ZCCHC14: variants seen among roughly 807,000 people sequenced by gnomAD.
ZCCHC14 encodes the protein zinc finger CCHC-type containing 14, also known as zinc finger CCHC domain-containing protein 14.
A neutral mutation model predicts 85.0 loss-of-function variants in ZCCHC14; 16 were observed. That is an observed-to-expected ratio of 0.19 (90% CI 0.13 to 0.29). ZCCHC14 has a LOEUF of 0.29. Ranked by LOEUF, ZCCHC14 falls within the 10% of genes least tolerant of loss-of-function variation. The probability of loss-of-function intolerance (pLI) is 1.00; values close to 1 mark genes in which losing one functional copy is unlikely to be tolerated. For synonymous variants in ZCCHC14, 775 were observed against 630.7 expected (o/e 1.23, Z -3.43); for missense variants, 1,303 against 1,443.5 (o/e 0.90, Z 1.58).
chr16:87,434,127 G>C (rs1421561346), intron 2 of ZCCHC14, among the ~76,000 whole-genome samples: 4 of 152,280 alleles, frequency 2.6e-5, no homozygotes, highest in South Asian at 4.1e-4. Flanking sequence ...AGCCCGGAAG[G>C]CATCAGCCTA....
At chr16:87,418,522 G>A (rs1287437962) in intron 7 of ZCCHC14, among the ~76,000 whole-genome samples, 1 of 152,244 alleles carries the variant, frequency 6.6e-6, no homozygotes, top group African/African-American at 2.4e-5. Context: ...CGTGCGGACA[G>A]AGGACGCTCC....
At position 87,492,370 on chromosome 16, in the gene ZCCHC14, CGCGGGCGCCGCGGGCCGG is replaced by C. The variant is rs1912808646; in HGVS notation, c.-150_-133del. 3 of 146,274 alleles carry C rather than the reference CGCGGGCGCCGCGGGCCGG, an allele frequency of 2.1e-5. No homozygotes were observed. Among genetic ancestry groups the C allele is most frequent in the African/African-American group, 5.1e-5 (2 of 39,402 alleles). The allele number at this position is 146,274 out of a possible 1,614,324, so 9.1% of individuals were successfully genotyped here. ...CCGGGGCCGGGTCCGGGCGAGGGCG[CGCGGGCGCCGCGGGCCGG>C]GCGGGCGCCGGGGCGGGGGCGGGGA... On this transcript the variant is annotated 5_prime_UTR_variant, in exon 1 of 13. Coordinates refer to ENST00000671377, the MANE Select transcript of ZCCHC14 (RefSeq NM_015144.3). The surrounding 1 kb of genome is among the most constrained non-coding windows in gnomAD (Gnocchi z 6.7).
At chr16:87,451,396 C>G (rs1910695018) in intron 2 of ZCCHC14, among the ~76,000 whole-genome samples, 2 of 151,600 alleles carry the variant, frequency 1.3e-5, no homozygotes, top group African/African-American at 4.9e-5. Context: ...CGGGGTTTCA[C>G]CATGTTGATC....
chr16:87,441,867 C>T (rs1910201928), intron 2 of ZCCHC14, among the ~76,000 whole-genome samples: 1 of 152,192 alleles, frequency 6.6e-6, no homozygotes, highest in Admixed American at 6.5e-5. Context: ...TAAGACGGAG[C>T]AGCAACGAAA....
intron 3 of ZCCHC14, among the ~76,000 whole-genome samples, chr16:87,426,445 G>T (rs900788244): frequency 6.6e-6 from 1 of 152,194 alleles, no homozygotes; most frequent in African/African-American, 2.4e-5. Flanking sequence ...TTATCTGGAC[G>T]AATTGTAATG....
At chr16:87,478,668 G>A (rs1369625050) in intron 1 of ZCCHC14, among the ~76,000 whole-genome samples, 3 of 151,028 alleles carry the variant, frequency 2.0e-5, no homozygotes, top group Non-Finnish European at 2.9e-5. Flanking sequence ...GTGCAGTGGC[G>A]CCATCTTGGC....
chr16:87,493,013 A>T lies in ZCCHC14; in HGVS notation c.-775T>A, dbSNP rs1482863989. Among the ~76,000 whole-genome samples, 5 of 151,828 alleles carry T rather than the reference A, an allele frequency of 3.3e-5. No homozygotes were observed. Among genetic ancestry groups the T allele is most frequent in the African/African-American group, 9.7e-5 (4 of 41,386 alleles). On this transcript the variant is annotated 5_prime_UTR_variant, in exon 1 of 13. Coordinates refer to ENST00000671377, the MANE Select transcript of ZCCHC14 (RefSeq NM_015144.3). ...CGCTCGCGGCTGACGGGCGGCCGGG[A>T]TCAGCAGAAGTGGGCGGGGTGGCCG...
chr16:87,417,127 G>C (rs944674919), intron 8 of ZCCHC14, among the ~76,000 whole-genome samples: 2 of 152,206 alleles, frequency 1.3e-5, no homozygotes, highest in African/African-American at 4.8e-5. Flanking sequence ...GCTACGCCGA[G>C]AAATGTCTAA....
In ZCCHC14 at chr16:87,414,498, G is replaced by A. The variant is rs1187770327; in HGVS notation, c.1519C>T (p.Leu507=). Residue 507 remains leucine (L), a synonymous_variant, in exon 10 of 13, where the codon CTG becomes TTG. Transcript: ENST00000671377. ...CGAGCCACACCACTGCTGGTGACCA[G>A]CGGCGGGGCCGAGGGGTTCAGGCAC... ...RRCLNPSAPP[L]VTSSGVARVP... The A allele has an allele frequency of 6.2e-7, 1 of 1,613,036 alleles. No homozygotes were observed. Among genetic ancestry groups the A allele is most frequent in the South Asian group, 1.1e-5 (1 of 91,016 alleles).
At chr16:87,433,711 G>A (rs758867558) in intron 2 of ZCCHC14, among the ~76,000 whole-genome samples, 8 of 151,134 alleles carry the variant, frequency 5.3e-5, no homozygotes, top group Non-Finnish European at 8.8e-5. Context: ...CTGTCTCGGC[G>A]GCTCACTGCA....
At chr16:87,439,471 C>G (rs571025429) in intron 2 of ZCCHC14, among the ~76,000 whole-genome samples, 1 of 152,304 alleles carries the variant, frequency 6.6e-6, no homozygotes, top group South Asian at 2.1e-4. Flanking sequence ...CAGTCTCCCC[C>G]TTGGCATTCT....
chr16:87,473,047 C>T (rs1280783143), intron 1 of ZCCHC14: 1 of 152,070 alleles, frequency 6.6e-6, no homozygotes, highest in Non-Finnish European at 1.5e-5. Context: ...ATGTGACACT[C>T]GTAATGTTAG....
intron 2 of ZCCHC14, among the ~76,000 whole-genome samples, chr16:87,450,429 T>C (rs1910641114): frequency 1.3e-5 from 2 of 152,258 alleles, no homozygotes; most frequent in African/African-American, 4.8e-5. Flanking sequence ...TGCAATGTTA[T>C]ACTTAAGAAC....
chr16:87,424,314 T>C (rs1243897879), intron 3 of ZCCHC14, among the ~76,000 whole-genome samples: 1 of 152,062 alleles, frequency 6.6e-6, no homozygotes, highest in Non-Finnish European at 1.5e-5. Flanking sequence ...CCCGCCCAGG[T>C]GCTGTGGGCA....
At chr16:87,416,730 C>T (rs1246206022) in intron 8 of ZCCHC14, among the ~76,000 whole-genome samples, 1 of 152,022 alleles carries the variant, frequency 6.6e-6, no homozygotes, top group African/African-American at 2.4e-5. Flanking sequence ...CACTCCAGCC[C>T]AGGTGGCAGT....
intron 4 of ZCCHC14, among the ~76,000 whole-genome samples, chr16:87,422,805 G>T (rs886949872): frequency 5.3e-5 from 8 of 152,202 alleles, no homozygotes; most frequent in Admixed American, 5.2e-4. Flanking sequence ...CAGCCGGCAG[G>T]AGTGGAGTCC....
intron 1 of ZCCHC14, among the ~76,000 whole-genome samples, chr16:87,479,832 G>A (rs912754774): frequency 2.6e-5 from 4 of 152,182 alleles, no homozygotes; most frequent in East Asian, 1.9e-4. Flanking sequence ...CTCAGCTGAC[G>A]CATTCACAAC....
At chr16:87,422,353 C>T (rs1597405362) in intron 4 of ZCCHC14, among the ~76,000 whole-genome samples, 1 of 152,090 alleles carries the variant, frequency 6.6e-6, no homozygotes, top group Admixed American at 6.5e-5. Context: ...CACCAGGGGT[C>T]TGAGGCTCGT....
chr16:87,426,587 C>T (rs1039799032), intron 3 of ZCCHC14, among the ~76,000 whole-genome samples: 1 of 152,200 alleles, frequency 6.6e-6, no homozygotes, highest in African/African-American at 2.4e-5. Flanking sequence ...CACACAGCCT[C>T]CCCCTCCAGA....
Sources: allele counts gnomAD v4.1 joint callset (sites outside exome capture counted in the v4.1 genomes callset), GRCh38; gene constraint gnomAD v4.1.1; non-coding constraint Gnocchi (gnomAD v3.1); transcripts MANE v1.5; gene names NCBI Gene and HGNC (gene_info 2026-07-23, HGNC 2026-07-21).